Variants in AKT1 observed in about 807,000 individuals in gnomAD.
The protein encoded by AKT1 is RAC-alpha serine/threonine-protein kinase.
Under a neutral mutation model 63.1 loss-of-function variants are expected in AKT1, and 21 were observed. That is an observed-to-expected ratio of 0.33 (90% CI 0.24 to 0.48). The LOEUF (loss-of-function observed/expected upper bound fraction) is 0.48. Ranked by LOEUF, AKT1 falls within the 20% of genes least tolerant of loss-of-function variation. The pLI is 0.99. For missense variants in AKT1, 382 were observed against 666.0 expected (o/e 0.57, Z 4.69); for synonymous variants, 257 against 253.1 (o/e 1.02, Z -0.15).
chr14:104,777,783 G>C, intron 4 of AKT1: 1 of 982,160 alleles, frequency 1.0e-6, no homozygotes, highest in Non-Finnish European at 1.2e-6. Context: ...GCCTGGCCAG[G>C]CAGCAAGGAA....
At chr14:104,787,918 C>G (rs1407358954) in intron 3 of AKT1, among the ~76,000 whole-genome samples, 2 of 152,230 alleles carry the variant, frequency 1.3e-5, no homozygotes, top group Non-Finnish European at 2.9e-5. Context: ...AGTGAGAACT[C>G]AACAAGCTCC....
chr14:104,793,500 G>T (rs922224200), intron 1 of AKT1, 196 bp from the exon 2 acceptor site: 1 of 183,262 alleles, frequency 5.5e-6, no homozygotes. Context: ...GGGCGTCTCA[G>T]GTTTTGCCAG....
intron 1 of AKT1, chr14:104,793,584 G>C (rs912346949): frequency 5.7e-6 from 1 of 174,762 alleles, no homozygotes; most frequent in African/African-American, 2.4e-5. Flanking sequence ...GTCCAGGGTG[G>C]TTACAGACCC....
At chr14:104,770,702 G>T (rs1319093099) in intron 14 of AKT1, 43 bp downstream of exon 14, 1 of 1,529,896 alleles carries the variant, frequency 6.5e-7, no homozygotes, top group Non-Finnish European at 9.1e-7. Flanking sequence ...CTCTGAGTGT[G>T]GAGAGAAAAG....
intron 5 of AKT1, 146 bp from the exon 6 acceptor site, chr14:104,775,945 G>C (rs989628319): frequency 5.3e-6 from 5 of 950,630 alleles, no homozygotes; most frequent in African/African-American, 4.9e-5. Flanking sequence ...CACTTGACCT[G>C]GTCTGGCCAC....
chr14:104,783,196 A>G (rs1893156903), intron 3 of AKT1, among the ~76,000 whole-genome samples: 1 of 152,036 alleles, frequency 6.6e-6, no homozygotes. Context: ...AAAGAGACCA[A>G]CCCACATGGA....
At chr14:104,784,466 C>T (rs1566823176) in intron 3 of AKT1, among the ~76,000 whole-genome samples, 8 of 152,200 alleles carry the variant, frequency 5.3e-5, no homozygotes, top group Admixed American at 3.3e-4. Context: ...CACACAACCC[C>T]AGCCCTGGTC....
intron 8 of AKT1, 72 bp downstream of exon 8, chr14:104,774,866 C>T (rs928976713): frequency 1.4e-5 from 21 of 1,502,138 alleles, no homozygotes; most frequent in African/African-American, 2.8e-5. Context: ...GACAGGACAT[C>T]GTCCCCTAGA....
chr14:104,784,995 C>A (rs919654585), intron 3 of AKT1, among the ~76,000 whole-genome samples: 1 of 152,226 alleles, frequency 6.6e-6, no homozygotes, highest in African/African-American at 2.4e-5. Context: ...GTGGTGGCAG[C>A]GGCTGGCAGG....
intron 3 of AKT1, among the ~76,000 whole-genome samples, chr14:104,785,253 C>T (rs1052679817): frequency 6.6e-6 from 1 of 152,162 alleles, no homozygotes; most frequent in Non-Finnish European, 1.5e-5. Flanking sequence ...GCGAAGGGCC[C>T]GGCCTGCCAG....
intron 4 of AKT1, chr14:104,777,879 T>A: frequency 5.2e-6 from 1 of 191,730 alleles, no homozygotes; most frequent in Non-Finnish European, 9.6e-6. Context: ...GCCAGAGAAG[T>A]GGAAACCGGT....
At chr14:104,792,903 C>T in intron 2 of AKT1, 181 bp from the exon 3 acceptor site, 1 of 596,236 alleles carries the variant, frequency 1.7e-6, no homozygotes, top group Non-Finnish European at 3.0e-6. Context: ...TTCCCTCTCC[C>T]CAAAACACTC....
At chr14:104,770,685 C>T in intron 14 of AKT1, 60 bp downstream of exon 14, 1 of 1,461,488 alleles carries the variant, frequency 6.8e-7, no homozygotes, top group South Asian at 1.1e-5. Flanking sequence ...CTGAACACTG[C>T]AGGCCTCTCT....
chr14:104,772,230 C>G (rs1892428259), intron 13 of AKT1, 135 bp downstream of exon 13: 2 of 982,544 alleles, frequency 2.0e-6, no homozygotes, highest in African/African-American at 1.6e-5. Context: ...CAAGGCCCTC[C>G]TTGTACCAGG....
At chr14:104,787,468 C>A (rs1410779627) in intron 3 of AKT1, among the ~76,000 whole-genome samples, 4 of 152,212 alleles carry the variant, frequency 2.6e-5, no homozygotes, top group Non-Finnish European at 5.9e-5. Flanking sequence ...GCCACAGCCA[C>A]CAGTCTCAGC....
At chr14:104,792,522 A>G (rs1893678958) in intron 3 of AKT1, 76 bp downstream of exon 3, 2 of 1,551,884 alleles carry the variant, frequency 1.3e-6, no homozygotes, top group Non-Finnish European at 1.8e-6. Flanking sequence ...CCAGCAGGGC[A>G]CAGGCACTCA....
intron 6 of AKT1, 118 bp downstream of exon 6, chr14:104,775,534 G>A: frequency 2.1e-6 from 3 of 1,404,770 alleles, no homozygotes; most frequent in Non-Finnish European, 2.9e-6. Flanking sequence ...ACCGGCCTAG[G>A]TGGAGATGCC....
chr14:104,775,169 C>T lies in AKT1; in HGVS notation c.474G>A (p.Lys158=), dbSNP rs926237915. The T allele has an allele frequency of 4.3e-6, 7 of 1,614,128 alleles. No homozygotes were observed. The highest frequency in any genetic ancestry group is 5.9e-6 in the Non-Finnish European group (7 of 1,180,036). The change falls in exon 7 of 15, where the codon AAG becomes AAA. Residue 158 remains lysine (K), a synonymous_variant. Transcript: ENST00000649815. ...CCAGGATCACCTTGCCGAAAGTGCC[C>T]TTGCCCAGCAGCTTCAGGTACTCAA... The part of the protein sequence containing the change: ...NEFEYLKLLG[K]GTFGKVILVK...
intron 3 of AKT1, among the ~76,000 whole-genome samples, chr14:104,782,066 C>T (rs557309848): frequency 1.1e-4 from 17 of 152,304 alleles, no homozygotes; most frequent in African/African-American, 3.8e-4. Context: ...CACGCAGCTC[C>T]ACCCCGCCTC....
Sources: gnomAD v4.1 joint callset for allele counts (sites outside exome capture counted in the v4.1 genomes callset) on GRCh38, gnomAD v4.1.1 for gene constraint, MANE v1.5 for transcripts, NCBI Gene and HGNC (gene_info 2026-07-23, HGNC 2026-07-21) for gene names.